RIMBP2: variants seen among roughly 807,000 people sequenced by gnomAD.
RIMBP2 encodes the protein RIMS binding protein 2.
Under a neutral mutation model 118.6 loss-of-function variants are expected in RIMBP2, and 48 were observed. The ratio of observed to expected loss-of-function variants is 0.40; its 90% CI spans 0.32 to 0.51. The LOEUF (loss-of-function observed/expected upper bound fraction) is 0.51. Among genes scored for constraint, RIMBP2 ranks in the 20% least tolerant of loss-of-function variants. The pLI, the probability that RIMBP2 is intolerant of heterozygous loss-of-function variation, is 0.41. For missense variants in RIMBP2, 1,551 were observed against 1,768.3 expected (o/e 0.88, Z 2.20); for synonymous variants, 762 against 742.9 (o/e 1.03, Z -0.42).
intron 7 of RIMBP2, among the ~76,000 whole-genome samples, chr12:130,453,104 A>G (rs7298078): frequency 0.11 from 16,318 of 152,262 alleles, 916 homozygotes; most frequent in South Asian, 0.16. Flanking sequence ...TTGACTCAAA[A>G]AACCCAGCTC....
At chr12:130,618,219 A>G (rs1264033315) in intron 2 of RIMBP2, among the ~76,000 whole-genome samples, 2 of 152,180 alleles carry the variant, frequency 1.3e-5, no homozygotes, top group Non-Finnish European at 2.9e-5. Flanking sequence ...TTCATACTGC[A>G]TATGATCAGC....
At chr12:130,544,596 CTTTTTTTTT>C (rs35041449) in intron 2 of RIMBP2, among the ~76,000 whole-genome samples, 2 of 100,526 alleles carry the variant, frequency 2.0e-5, no homozygotes, top group East Asian at 7.0e-4. Flanking sequence ...AACTGGAGGC[CTTTTTTTTT>C]TTTTTTTTTT....
chr12:130,604,928 AG>A (rs2060097271), intron 2 of RIMBP2, among the ~76,000 whole-genome samples: 1 of 151,468 alleles, frequency 6.6e-6, no homozygotes, highest in African/African-American at 2.4e-5. Context: ...CTTTTCTGCA[AG>A]GTTTAGATAT....
chr12:130,597,240 T>TTTTA (rs553626344), intron 2 of RIMBP2, among the ~76,000 whole-genome samples: 12 of 152,122 alleles, frequency 7.9e-5, no homozygotes, highest in African/African-American at 2.4e-4. Flanking sequence ...TCGTTTTTAT[T>TTTTA]TTTATTTATT....
chr12:130,423,409 C>A (rs1238807039), intron 16 of RIMBP2, among the ~76,000 whole-genome samples: 1 of 152,182 alleles, frequency 6.6e-6, no homozygotes. Flanking sequence ...AGACCCAAGG[C>A]CTGGCGCCAT....
At chr12:130,633,916 T>G (rs2062173790) in intron 1 of RIMBP2, 1 of 152,372 alleles carries the variant, frequency 6.6e-6, no homozygotes, top group Non-Finnish European at 1.5e-5. Context: ...CGGATGTTTG[T>G]GCTCGGCACC....
intron 5 of RIMBP2, among the ~76,000 whole-genome samples, chr12:130,476,098 T>C (rs2081400375): frequency 6.6e-6 from 1 of 151,944 alleles, no homozygotes; most frequent in Non-Finnish European, 1.5e-5. Context: ...CTGTGATGTG[T>C]AGAGGGGCTG....
chr12:130,571,416 ATTTTTTTT>A (rs1555294909), intron 2 of RIMBP2, among the ~76,000 whole-genome samples: 1 of 104,298 alleles, frequency 9.6e-6, no homozygotes, highest in Non-Finnish European at 2.1e-5. Flanking sequence ...CCATAGTAAC[ATTTTTTTT>A]TTTTTTTTTT....
In RIMBP2 at chr12:130,450,178, G is replaced by A. The variant is rs759096866; in HGVS notation, c.581+22C>T. ...CTGCCCCACTCACAGGGGCTCGGTG[G>A]ACGCCGAGGGGCCGCACTTACCTAT... On this transcript the variant is annotated intron_variant, in intron 9 of 22. Coordinates refer to ENST00000690449, the MANE Select transcript of RIMBP2 (RefSeq NM_001393629.1). The surrounding 1 kb of genome is among the most constrained non-coding windows in gnomAD (Gnocchi z 4.8). 2 of 1,563,122 alleles carry A rather than the reference G, an allele frequency of 1.3e-6. No homozygotes were observed. The highest frequency in any genetic ancestry group is 1.8e-6 in the Non-Finnish European group (2 of 1,142,220).
chr12:130,470,514 C>A, intron 6 of RIMBP2, 179 bp downstream of exon 6: 1 of 397,206 alleles, frequency 2.5e-6, no homozygotes. Context: ...CGGACCTGGT[C>A]CTGGCACCTG....
At chr12:130,646,426 C>A (rs868579908) in intron 1 of RIMBP2, among the ~76,000 whole-genome samples, 3 of 119,552 alleles carry the variant, frequency 2.5e-5, no homozygotes, top group Non-Finnish European at 3.8e-5. Flanking sequence ...TCACCACTTC[C>A]CTCTCCACCT....
chr12:130,565,642 A>G (rs951824543), intron 2 of RIMBP2, among the ~76,000 whole-genome samples: 1 of 152,114 alleles, frequency 6.6e-6, no homozygotes, highest in Non-Finnish European at 1.5e-5. Flanking sequence ...TCCTGCTAGT[A>G]TCCCAACTAC....
chr12:130,425,737 G>C (rs2076742248), intron 15 of RIMBP2: 1 of 152,404 alleles, frequency 6.6e-6, no homozygotes, highest in South Asian at 2.1e-4. Context: ...TCCTTCAAGG[G>C]GGCTTGGCTG....
In RIMBP2 at chr12:130,653,898, T is replaced by C. The variant is rs933600994; in HGVS notation, c.-351-25442A>G. ...AGAGTGCCCAGGATGCAGGGAGCAG[T>C]GTCCTGAAGCTGTGCAGGGCAGCGG... On this transcript the variant is annotated intron_variant, in intron 1 of 22. Coordinates refer to ENST00000690449, the MANE Select transcript of RIMBP2 (RefSeq NM_001393629.1). Among the ~76,000 whole-genome samples the C allele has an allele frequency of 2.0e-5, 3 of 152,222 alleles. No homozygotes were observed. The East Asian group carries it at 5.8e-4, about 29-fold the overall frequency.
At chr12:130,559,344 A>AATTT (rs2056628106) in intron 2 of RIMBP2, among the ~76,000 whole-genome samples, 1 of 152,104 alleles carries the variant, frequency 6.6e-6, no homozygotes, top group Non-Finnish European at 1.5e-5. Context: ...AACCTCTGGT[A>AATTT]ACCATCATTC....
At chr12:130,666,789 G>A (rs1287758347) in intron 1 of RIMBP2, among the ~76,000 whole-genome samples, 1 of 138,770 alleles carries the variant, frequency 7.2e-6, no homozygotes, top group Non-Finnish European at 1.6e-5. Context: ...GAAGAAGGGA[G>A]GGATGGAGGG....
At chr12:130,487,419 C>G (rs552367745) in intron 4 of RIMBP2, among the ~76,000 whole-genome samples, 2 of 152,210 alleles carry the variant, frequency 1.3e-5, no homozygotes, top group South Asian at 2.1e-4. Context: ...TTTAAGGGAG[C>G]CTGGCTCCTC....
rs201810224 is a variant in RIMBP2 at position 130,428,185 on chromosome 12, G to A, written c.2406C>T (p.Ala802=). The change falls in exon 15 of 23, where the codon GCC becomes GCT. Residue 802 remains alanine (A), a synonymous_variant. Coordinates refer to ENST00000690449, the MANE Select transcript of RIMBP2 (RefSeq NM_001393629.1). ...CCCTTCCCCAGCCACTCACCTTGAG[G>A]GCATTGTGGGACGTGCCGCTGGGCC... ...RRRPSGTSHN[A]LKDCTDHRTS... is the part of the protein sequence containing the mutation. The A allele has an allele frequency of 5.0e-6, 8 of 1,607,966 alleles. No individual in the cohort carries two copies. In the East Asian group the frequency reaches 1.6e-4, roughly 32 times the overall value.
Position 130,475,798 on chromosome 12 carries a change from G to A in RIMBP2, c.102+3114C>T, listed in dbSNP as rs114611613. 9.2e-3 allele frequency among the ~76,000 whole-genome samples: 1,402 copies of A among 152,196 alleles called. 21 individuals are homozygous for A. Among genetic ancestry groups the A allele is most frequent in the African/African-American group, 0.032 (1,349 of 41,514 alleles). On this transcript the variant is annotated intron_variant, in intron 5 of 22. Transcript: ENST00000690449. This position sits in a 1 kb window ranked among gnomAD's most constrained non-coding sequence, Gnocchi z 4.1. ...GGGAAAGGAAGAGCTGTACAAAAAC[G>A]GGAGATGCTGCCGTTTACGGAGCTC...
Sources: gnomAD v4.1 joint callset for allele counts (sites outside exome capture counted in the v4.1 genomes callset) on GRCh38, gnomAD v4.1.1 for gene constraint, Gnocchi (gnomAD v3.1) non-coding constraint, MANE v1.5 for transcripts, NCBI Gene and HGNC (gene_info 2026-07-23, HGNC 2026-07-21) for gene names.